Variants in FA2H observed in about 807,000 individuals in gnomAD.
FA2H encodes the protein fatty acid 2-hydroxylase.
In FA2H, 22 loss-of-function variants were observed where a neutral mutation model predicts 44.9. The ratio of observed to expected loss-of-function variants is 0.49; its 90% CI spans 0.35 to 0.70. The LOEUF (loss-of-function observed/expected upper bound fraction) is 0.70, where lower values mean the gene tolerates loss of function less well. FA2H is among the 30% of genes least tolerant of loss of function. The probability of loss-of-function intolerance (pLI) is 0.01; values close to 1 mark genes in which losing one functional copy is unlikely to be tolerated. For synonymous variants in FA2H, 243 were observed against 213.2 expected (o/e 1.14, Z -1.22); for missense variants, 501 against 504.9 (o/e 0.99, Z 0.07).
chr16:74,725,595 C>G (rs975000396), intron 4 of FA2H, among the ~76,000 whole-genome samples: 12 of 152,214 alleles, frequency 7.9e-5, no homozygotes, highest in African/African-American at 2.9e-4. Flanking sequence ...TCTGAGGCTC[C>G]ATTTCCTCAG....
At chr16:74,752,203 G>A (rs4488477) in intron 1 of FA2H, among the ~76,000 whole-genome samples, 29,817 of 152,050 alleles carry the variant, frequency 0.2, 3,446 homozygotes, top group Non-Finnish European at 0.25. Flanking sequence ...TAACTCTCTT[G>A]CTGCTTCCAC....
chr16:74,773,521 A>G (rs1001108463), intron 1 of FA2H, among the ~76,000 whole-genome samples: 1 of 152,190 alleles, frequency 6.6e-6, no homozygotes, highest in South Asian at 2.1e-4. Context: ...GGGAACATCA[A>G]GAGAGTCGCT....
chr16:74,764,903 T>TG (rs1323980736), intron 1 of FA2H, among the ~76,000 whole-genome samples: 4 of 152,024 alleles, frequency 2.6e-5, no homozygotes, highest in East Asian at 1.9e-4. Context: ...ACATGAGGAC[T>TG]GGGGGGGTCT....
rs73614695 is a variant in FA2H, at chr16:74,745,194, T to C, written c.271-5079A>G. ...ACTCTTGTGTTCAGCTCCAGGGCTG[T>C]TGAGTGGCAAGGGGGCACCTGGCTC... On this transcript the variant is annotated intron_variant, in intron 1 of 6. Coordinates refer to ENST00000219368, the MANE Select transcript of FA2H (RefSeq NM_024306.5). 3.6e-3 allele frequency among the ~76,000 whole-genome samples: 554 copies of C among 152,304 alleles called. 5 individuals are homozygous for C. Among genetic ancestry groups the C allele is most frequent in the African/African-American group, 0.013 (534 of 41,556 alleles).
intron 2 of FA2H, among the ~76,000 whole-genome samples, chr16:74,736,541 TG>T (rs1292189404): frequency 6.6e-6 from 1 of 152,184 alleles, no homozygotes; most frequent in African/African-American, 2.4e-5. Context: ...TTCCAGGCCC[TG>T]GGGACCCTGG....
At chr16:74,718,582 C>T (rs74326204) in intron 5 of FA2H, among the ~76,000 whole-genome samples, 6 of 152,162 alleles carry the variant, frequency 3.9e-5, no homozygotes, top group Admixed American at 2.0e-4. Context: ...CTCTGTGGAA[C>T]GGGGAGAACC....
At chr16:74,739,443 C>A (rs1202111481) in intron 2 of FA2H, among the ~76,000 whole-genome samples, 2 of 152,134 alleles carry the variant, frequency 1.3e-5, no homozygotes, top group African/African-American at 4.8e-5. Flanking sequence ...CCGCTCAGCT[C>A]CTCCAGGGCT....
At chr16:74,764,860 A>G (rs951377795) in intron 1 of FA2H, among the ~76,000 whole-genome samples, 2 of 152,196 alleles carry the variant, frequency 1.3e-5, no homozygotes, top group African/African-American at 4.8e-5. Context: ...AACCTGGGAC[A>G]TACCTATGAG....
Position 74,726,247 on chromosome 16 carries a change from T to G in FA2H, c.591A>C (p.Arg197=). 1.2e-6 allele frequency: 2 copies of G among 1,613,504 alleles called. No individual in the cohort carries two copies. Among genetic ancestry groups the G allele is most frequent in the Non-Finnish European group, 1.7e-6 (2 of 1,179,658 alleles). The change falls in exon 4 of 7, where the codon CGA becomes CGC. Residue 197 remains arginine, a synonymous_variant. Transcript: ENST00000219368. The stretch of plus-strand genomic sequence containing the variant: ...TACCTGTTGTAAATGACGTGAAGAG[T>G]CGGACGTTGCCCTGGGCAAAGGTTC... ...YYRTFAQGNV[R]LFTSFTTEYT...
In FA2H at chr16:74,719,150, C is replaced by G; in HGVS notation, c.624G>C (p.Val208=). 6.2e-7 allele frequency: 1 copy of G among 1,613,372 alleles called. No homozygotes were observed. Among genetic ancestry groups the G allele is most frequent in the Non-Finnish European group, 8.5e-7 (1 of 1,180,000 alleles). The change falls in exon 5 of 7, where the codon GTG becomes GTC. Residue 208 remains valine, a synonymous_variant. Coordinates refer to ENST00000219368, the MANE Select transcript of FA2H (RefSeq NM_024306.5). The part of the protein sequence containing the change: ...LFTSFTTEYT[V]AVPKSMFPGL... ...CGGGGAACATGGACTTGGGCACTGCCACCGTGTACTCTGCAGGGTGGCAGG... is the reference window on the plus strand; with the variant it reads ...CGGGGAACATGGACTTGGGCACTGCGACCGTGTACTCTGCAGGGTGGCAGG...
intron 4 of FA2H, among the ~76,000 whole-genome samples, chr16:74,719,728 AT>A (rs1276415448): frequency 2.0e-5 from 3 of 151,540 alleles, no homozygotes; most frequent in Non-Finnish European, 4.4e-5. Context: ...TTTTATTTTT[AT>A]TTTTTTTGTA....
intron 1 of FA2H, among the ~76,000 whole-genome samples, chr16:74,772,784 G>A (rs1962933009): frequency 6.6e-6 from 1 of 152,096 alleles, no homozygotes; most frequent in South Asian, 2.1e-4. Context: ...GAAAATTCCA[G>A]AAATAATTTA....
chr16:74,727,191 T>C (rs1026649718), intron 3 of FA2H, 53 bp downstream of exon 3: 14 of 1,612,492 alleles, frequency 8.7e-6, no homozygotes, highest in Middle Eastern at 3.3e-4. Context: ...CATATCTGAT[T>C]GGCACCGTCA....
rs1961715154 is a variant in FA2H, at chr16:74,716,812, C to T, written c.787-213G>A. 11 of 581,978 alleles carry T rather than the reference C, an allele frequency of 1.9e-5. No individual in the cohort carries two copies. The South Asian group carries it at 2.5e-4, about 13-fold the overall frequency. The allele number at this position is 581,978 out of a possible 1,614,324, so 36.1% of individuals were successfully genotyped here. ...TTCCCATTTGTGAGCCAGGAAGGGA[C>T]CTGGCAGATTGCAAAGGAACATGGG... is the stretch of plus-strand genomic sequence containing the variant. On this transcript the variant is annotated intron_variant, in intron 5 of 6. Transcript: ENST00000219368.
At chr16:74,745,645 C>G (rs1962406412) in intron 1 of FA2H, among the ~76,000 whole-genome samples, 1 of 152,164 alleles carries the variant, frequency 6.6e-6, no homozygotes, top group South Asian at 2.1e-4. Flanking sequence ...GCCTTCCAGC[C>G]ACAGTCCAAG....
chr16:74,733,989 G>A (rs1435551413), intron 2 of FA2H, among the ~76,000 whole-genome samples: 1 of 152,168 alleles, frequency 6.6e-6, no homozygotes, highest in South Asian at 2.1e-4. Flanking sequence ...TTCTACCTGG[G>A]CACCACGCCC....
intron 1 of FA2H, among the ~76,000 whole-genome samples, chr16:74,753,199 A>C (rs1017885394): frequency 2.6e-5 from 4 of 152,186 alleles, no homozygotes; most frequent in African/African-American, 9.7e-5. Flanking sequence ...GAGGTTGATT[A>C]ACTTGCCCAA....
At chr16:74,766,410 G>A (rs1044060047) in intron 1 of FA2H, among the ~76,000 whole-genome samples, 1 of 152,124 alleles carries the variant, frequency 6.6e-6, no homozygotes, top group African/African-American at 2.4e-5. Flanking sequence ...AGGAGGTAAG[G>A]AGAATCTCTG....
At chr16:74,748,795 C>T (rs867658140) in intron 1 of FA2H, among the ~76,000 whole-genome samples, 12 of 152,216 alleles carry the variant, frequency 7.9e-5, no homozygotes, top group African/African-American at 2.4e-4. Context: ...GGGGCGCCGG[C>T]ATAAAGGCAT....
Sources: gnomAD v4.1 joint callset for allele counts (sites outside exome capture counted in the v4.1 genomes callset) on GRCh38, gnomAD v4.1.1 for gene constraint, MANE v1.5 for transcripts, NCBI Gene and HGNC (gene_info 2026-07-23, HGNC 2026-07-21) for gene names.